The following TEX14 variants were observed in gnomAD, a reference collection of about 807,000 sequenced individuals.
The protein encoded by TEX14 is testis expressed 14, intercellular bridge forming factor.
Under a neutral mutation model 178.6 loss-of-function variants are expected in TEX14, and 168 were observed. The ratio of observed to expected loss-of-function variants is 0.94; its 90% confidence interval spans 0.83 to 1.07. The LOEUF (loss-of-function observed/expected upper bound fraction) is 1.07, where lower values mean the gene tolerates loss of function less well. Ranked by LOEUF, TEX14 falls within the 50% of genes least tolerant of loss-of-function variation. The pLI, the probability that TEX14 is intolerant of heterozygous loss-of-function variation, is 0.00. For synonymous variants in TEX14, 626 were observed against 634.1 expected (o/e 0.99, Z 0.19); for missense variants, 1,730 against 1,753.6 (o/e 0.99, Z 0.24).
At chr17:58,643,554 C>T (rs2046621818) in intron 2 of TEX14, among the ~76,000 whole-genome samples, 1 of 125,364 alleles carries the variant, frequency 8.0e-6, no homozygotes, top group South Asian at 2.7e-4. Context: ...ATAGTGAGAC[C>T]CTGTCTCAAA....
intron 2 of TEX14, among the ~76,000 whole-genome samples, chr17:58,636,979 C>T (rs1273456054): frequency 6.6e-6 from 1 of 151,986 alleles, no homozygotes; most frequent in Non-Finnish European, 1.5e-5. Context: ...GTAATCCCAG[C>T]ATTTTGGGAG....
chr17:58,652,590 C>T (rs1294059667), intron 1 of TEX14, among the ~76,000 whole-genome samples: 1 of 152,190 alleles, frequency 6.6e-6, no homozygotes, highest in African/African-American at 2.4e-5. Context: ...ATTACCAAGT[C>T]TCCGGCATGT....
intron 10 of TEX14, among the ~76,000 whole-genome samples, chr17:58,605,741 A>G (rs750478830): frequency 3.9e-5 from 6 of 152,154 alleles, no homozygotes; most frequent in Non-Finnish European, 8.8e-5. Flanking sequence ...TGTGACTGAG[A>G]TATTTGTCTG....
At chr17:58,682,967 C>T (rs1381275158) in intron 1 of TEX14, among the ~76,000 whole-genome samples, 1 of 151,568 alleles carries the variant, frequency 6.6e-6, no homozygotes, top group Non-Finnish European at 1.5e-5. Flanking sequence ...CACCTACAAT[C>T]CCAGCACTTT....
intron 2 of TEX14, chr17:58,631,591 A>G (rs1338150590): frequency 6.7e-6 from 1 of 148,666 alleles, no homozygotes; most frequent in African/African-American, 2.4e-5. Context: ...AAAATTAAAA[A>G]CATGAGGAAA....
At chr17:58,671,851 A>G (rs1282716549) in intron 1 of TEX14, among the ~76,000 whole-genome samples, 1 of 152,040 alleles carries the variant, frequency 6.6e-6, no homozygotes, top group Non-Finnish European at 1.5e-5. Context: ...CAATTCATCT[A>G]ATCCTTTAGA....
Position 58,587,542 on chromosome 17 carries a change from T to G in TEX14, c.2788+39A>C, listed in dbSNP as rs371475025. The G allele has an allele frequency of 2.4e-6, 3 of 1,256,812 alleles. No individual in the cohort carries two copies. The East Asian group carries it at 7.0e-5, about 29-fold the overall frequency. The allele number at this position is 1,256,812 out of a possible 1,614,324, so 77.9% of individuals were successfully genotyped here. ...AACCACATTAGAAATATACTTTAAA[T>G]TTCATTTTGTCTAATAAAACCCATG... is the stretch of plus-strand genomic sequence containing the variant. On this transcript the variant is annotated intron_variant, in intron 17 of 31. Coordinates refer to ENST00000349033, the MANE Select transcript of TEX14 (RefSeq NM_031272.5).
At chr17:58,680,510 T>C (rs886207820) in intron 1 of TEX14, among the ~76,000 whole-genome samples, 8 of 151,882 alleles carry the variant, frequency 5.3e-5, no homozygotes, top group Non-Finnish European at 8.8e-5. Context: ...GGGAGGCCAA[T>C]GCGGGCAGAT....
chr17:58,565,612 T>C (rs2044380286), intron 27 of TEX14, 135 bp downstream of exon 27: 3 of 613,366 alleles, frequency 4.9e-6, no homozygotes, highest in South Asian at 2.2e-5. Flanking sequence ...CAGCTTGCCA[T>C]ACAAATAACT....
intron 26 of TEX14, 115 bp from the exon 27 acceptor site, chr17:58,565,939 G>C (rs1215860546): frequency 2.6e-6 from 2 of 784,026 alleles, no homozygotes; most frequent in Non-Finnish European, 4.2e-6. Flanking sequence ...AACATAACCC[G>C]GGAACTCGTT....
chr17:58,630,401 CA>C (rs1171434908), intron 3 of TEX14, 38 bp downstream of exon 3: 3 of 1,442,786 alleles, frequency 2.1e-6, no homozygotes, highest in Non-Finnish European at 2.9e-6. Flanking sequence ...CTTAACAGCA[CA>C]ACCCCTATTT....
chr17:58,592,491 C>T (rs778936553), intron 15 of TEX14, among the ~76,000 whole-genome samples: 95 of 152,054 alleles, frequency 6.2e-4, no homozygotes, highest in Non-Finnish European at 1.0e-3. Context: ...CCCGCCACCA[C>T]GCCCGGCTAA....
intron 15 of TEX14, among the ~76,000 whole-genome samples, chr17:58,592,435 C>A (rs754334937): frequency 6.6e-6 from 1 of 151,818 alleles, no homozygotes; most frequent in African/African-American, 2.4e-5. Context: ...CCTGGGTTCA[C>A]GCCATTTTCC....
chr17:58,628,605 G>A (rs2046205408), intron 3 of TEX14, among the ~76,000 whole-genome samples: 1 of 152,100 alleles, frequency 6.6e-6, no homozygotes, highest in South Asian at 2.1e-4. Flanking sequence ...CCAGCTACTA[G>A]GGAGACTGAG....
In TEX14 at chr17:58,660,765, G is replaced by A. The variant is rs369815851; in HGVS notation, c.-1-8763C>T. On this transcript the variant is annotated intron_variant, in intron 1 of 31. Coordinates refer to ENST00000349033, the MANE Select transcript of TEX14 (RefSeq NM_031272.5). The stretch of plus-strand genomic sequence containing the variant: ...ATTCCCTGATCTGGTAACACTCCAT[G>A]TTTCTGATGTTGATCATACCAGTCA... 5.1e-6 allele frequency: 4 copies of A among 781,176 alleles called. No homozygotes were observed. In the African/African-American group the frequency reaches 6.8e-5, roughly 13 times the overall value. 48.4% of individuals were successfully genotyped at this position (781,176 alleles called of 1,614,324 possible).
intron 3 of TEX14, among the ~76,000 whole-genome samples, chr17:58,625,755 T>C (rs1242291491): frequency 1.3e-5 from 2 of 152,144 alleles, no homozygotes; most frequent in Non-Finnish European, 2.9e-5. Flanking sequence ...TGTTTATTTA[T>C]TTTGAGACAG....
chr17:58,629,696 G>A (rs2046235795), intron 3 of TEX14, among the ~76,000 whole-genome samples: 2 of 151,022 alleles, frequency 1.3e-5, no homozygotes, highest in Admixed American at 1.3e-4. Context: ...TTAGCCCGGC[G>A]TGGTGGCAGG....
Position 58,569,118 on chromosome 17 carries a change from C to CAA in TEX14, c.3886+72_3886+73dup. ...TTTATACTAGTGTTCACACTTGAGACAAAGACACCATACTGTGGTCAGTGA... is the reference window on the plus strand; with the variant it reads ...TTTATACTAGTGTTCACACTTGAGACAAAAAGACACCATACTGTGGTCAGTGA... On this transcript the variant is annotated intron_variant, in intron 26 of 31. Coordinates refer to ENST00000349033, the MANE Select transcript of TEX14 (RefSeq NM_031272.5). This position sits in a 1 kb window ranked among gnomAD's most constrained non-coding sequence, Gnocchi z 4.1. 1 of 1,275,674 alleles carries CAA rather than the reference C, an allele frequency of 7.8e-7. No individual in the cohort carries two copies. 79.0% of individuals were successfully genotyped at this position (1,275,674 alleles called of 1,614,324 possible). A position where few individuals can be genotyped will look rare whatever the true frequency, so the allele number is the denominator to read the frequency against.
chr17:58,604,569 T>C (rs2045559505), intron 11 of TEX14, among the ~76,000 whole-genome samples: 4 of 151,740 alleles, frequency 2.6e-5, no homozygotes, highest in Admixed American at 2.6e-4. Context: ...GAGTCTTTTT[T>C]TTTTCTTTTG....
Sources: allele counts gnomAD v4.1 joint callset (sites outside exome capture counted in the v4.1 genomes callset), GRCh38; gene constraint gnomAD v4.1.1; non-coding constraint Gnocchi (gnomAD v3.1); transcripts MANE v1.5; gene names NCBI Gene and HGNC (gene_info 2026-07-23, HGNC 2026-07-21).